Variants in GAA observed in about 807,000 individuals in gnomAD.
The protein encoded by GAA is alpha glucosidase, also known as lysosomal alpha-glucosidase.
GAA carries 88 observed loss-of-function variants against 103.9 expected under a neutral mutation model. The observed-to-expected ratio is 0.85, with a 90% CI of 0.71 to 1.01. GAA has a LOEUF of 1.01. Among genes scored for constraint, GAA ranks in the 50% least tolerant of loss-of-function variants. GAA has a pLI of 0.00. For synonymous variants in GAA, 572 were observed against 563.1 expected, an observed-to-expected ratio of 1.02 and a Z score of -0.22; for missense variants, 1,350 against 1,305.3, an observed-to-expected ratio of 1.03 and a Z score of -0.53.
chr17:80,118,956 C>T, intron 19 of GAA, 151 bp downstream of exon 19: 1 of 1,000,272 alleles, frequency 1.0e-6, no homozygotes, highest in South Asian at 1.4e-5. Flanking sequence ...AGGGTCAGGC[C>T]ACACAGGCTG....
At chr17:80,118,151 C>T (rs2039400339) in intron 17 of GAA, 42 bp from the exon 18 acceptor site, 1 of 1,607,976 alleles carries the variant, frequency 6.2e-7, no homozygotes, top group Non-Finnish European at 8.5e-7. Context: ...TCCACCTCCA[C>T]CAGGGTGGGG....
intron 9 of GAA, among the ~76,000 whole-genome samples, 166 bp from the exon 10 acceptor site, chr17:80,110,561 A>G (rs1249541520): frequency 1.3e-5 from 2 of 152,202 alleles, no homozygotes; most frequent in East Asian, 3.8e-4. Context: ...TGCCTTGTGG[A>G]GAAAGAGCTG....
chr17:80,113,156 G>A (rs1311538157), intron 14 of GAA, 62 bp from the exon 15 acceptor site: 2 of 1,542,342 alleles, frequency 1.3e-6, no homozygotes, highest in Non-Finnish European at 1.7e-6. Context: ...CCCGAGGCGG[G>A]GACTCCAGGG....
At chr17:80,102,814 G>A (rs535511168) in intron 1 of GAA, 1 of 152,374 alleles carries the variant, frequency 6.6e-6, no homozygotes, top group Non-Finnish European at 1.5e-5. Context: ...GAAAGTACAA[G>A]TGACAACCTG....
intron 16 of GAA, among the ~76,000 whole-genome samples, chr17:80,117,335 C>G (rs934893278): frequency 3.3e-5 from 5 of 152,232 alleles, no homozygotes; most frequent in African/African-American, 1.2e-4. Context: ...CTTGCAGAAC[C>G]TGGCCAAGTC....
chr17:80,105,300 G>A (rs1295515445), intron 2 of GAA, among the ~76,000 whole-genome samples, 168 bp downstream of exon 2: 1 of 152,212 alleles, frequency 6.6e-6, no homozygotes, highest in African/African-American at 2.4e-5. Context: ...GGAGCAGTGG[G>A]GACACCACGG....
Position 80,117,040 on chromosome 17 carries a change from A to T in GAA, c.2262A>T (p.Pro754=). 6.2e-7 allele frequency: 1 copy of T among 1,613,624 alleles called. No individual in the cohort carries two copies. Among genetic ancestry groups the T allele is most frequent in the South Asian group, 1.1e-5 (1 of 91,082 alleles). Residue 754 remains proline (P), a synonymous_variant, in exon 16 of 20, where the codon CCA becomes CCT. Transcript: ENST00000302262. The stretch of plus-strand genomic sequence containing the variant: ...GGGGGGAGGCCCTGCTCATCACCCC[A>T]GTGCTCCAGGCCGGGAAGGCCGAAG... The part of the protein sequence containing the change: ...LLWGEALLIT[P]VLQAGKAEVT...
intron 17 of GAA, among the ~76,000 whole-genome samples, 191 bp downstream of exon 17, chr17:80,117,940 G>T (rs1018091096): frequency 6.6e-6 from 1 of 152,224 alleles, no homozygotes; most frequent in African/African-American, 2.4e-5. Flanking sequence ...GTGGAGCATG[G>T]CCGGCAGGAG....
At chr17:80,118,059 T>C in intron 17 of GAA, 134 bp from the exon 18 acceptor site, 2 of 1,050,804 alleles carry the variant, frequency 1.9e-6, no homozygotes, top group Non-Finnish European at 2.7e-6. Context: ...TTCCAGCCCC[T>C]GCGGCCGCAG....
In GAA at chr17:80,112,934, C is replaced by T. The variant is rs770248553; in HGVS notation, c.1947C>T (p.Phe649=). The change falls in exon 14 of 20, where the codon TTC becomes TTT. Residue 649 remains phenylalanine, a synonymous_variant. Transcript: ENST00000302262. ...TGGTCGGGGCCGACGTCTGCGGCTT[C>T]CTGGGCAACACCTCAGAGGAGCTGT... ...VPLVGADVCG[F]LGNTSEELCV... The T allele has an allele frequency of 6.2e-7, 1 of 1,610,774 alleles. No homozygotes were observed. Among genetic ancestry groups the T allele is most frequent in the African/African-American group, 1.3e-5 (1 of 75,022 alleles).
chr17:80,110,622 C>T, intron 9 of GAA, 105 bp from the exon 10 acceptor site: 3 of 934,176 alleles, frequency 3.2e-6, no homozygotes, highest in Middle Eastern at 3.2e-4. Flanking sequence ...TGTGGGCGTC[C>T]ACTAAGAGTG....
At position 80,109,840 on chromosome 17, in the gene GAA, G is replaced by T. The variant is rs538143133; in HGVS notation, c.1327-105G>T. The T allele has an allele frequency of 7.9e-5, 64 of 806,488 alleles. No homozygotes were observed. The South Asian group carries it at 8.6e-4, about 11-fold the overall frequency. The allele number at this position is 806,488 out of a possible 1,614,324, so 50.0% of individuals were successfully genotyped here. Reference sequence around the variant, plus strand: ...ACACAGGCAGGCATGCTGTACACACGCATGATGTCATCCCCAGCCTCATCC... The same window carrying T: ...ACACAGGCAGGCATGCTGTACACACTCATGATGTCATCCCCAGCCTCATCC... On this transcript the variant is annotated intron_variant, in intron 8 of 19. Transcript: ENST00000302262.
At position 80,108,595 on chromosome 17, in the gene GAA, C is replaced by T. The variant is rs771894765; in HGVS notation, c.1182C>T (p.Ala394=). 3.1e-6 allele frequency: 5 copies of T among 1,612,786 alleles called. No individual in the cohort carries two copies. ...AGGTGGTGGAGAACATGACCAGGGC[C>T]CACTTCCCCCTGGTGAGTTGGGGTG... The part of the protein sequence containing the change: ...TRQVVENMTR[A]HFPLDVQWND... Residue 394 remains alanine (A), a synonymous_variant, in exon 7 of 20, where the codon GCC becomes GCT. Transcript: ENST00000302262.
chr17:80,118,221 G>T lies in GAA; in HGVS notation c.2510G>T (p.Arg837Leu). ...CCTGGCCTCACAACCACAGAGTCCC[G>T]CCAGCAGCCCATGGCCCTGGCTGTG... ...QGPGLTTTES[R>L]QQPMALAVAL... is the part of the protein sequence containing the mutation. The change falls in exon 18 of 20, where the codon CGC (arginine) becomes CTC (leucine). Residue 837 changes from arginine (R) to leucine (L), a missense_variant. Transcript: ENST00000302262. The T allele has an allele frequency of 6.2e-7, 1 of 1,613,018 alleles. No individual in the cohort carries two copies. The highest frequency in any genetic ancestry group is 8.5e-7 in the Non-Finnish European group (1 of 1,179,774).
At chr17:80,105,236 G>A in intron 2 of GAA, 104 bp downstream of exon 2, 1 of 1,190,258 alleles carries the variant, frequency 8.4e-7, no homozygotes, top group Non-Finnish European at 1.2e-6. Flanking sequence ...ACCACTGTGT[G>A]CTGGGCCCTT....
At chr17:80,114,089 G>GA (rs75151558) in intron 15 of GAA, among the ~76,000 whole-genome samples, 1,023 of 70,416 alleles carry the variant, frequency 0.015, 17 homozygotes, top group African/African-American at 0.039. Context: ...TTCATTTAGA[G>GA]AAAAAAAAAA....
intron 17 of GAA, among the ~76,000 whole-genome samples, chr17:80,117,958 G>C (rs979807989): frequency 1.3e-5 from 2 of 152,242 alleles, no homozygotes; most frequent in African/African-American, 4.8e-5. Flanking sequence ...GAGCTCAGTG[G>C]TCTGCATGGT....
At chr17:80,108,459 C>T in intron 6 of GAA, 30 bp from the exon 7 acceptor site, 1 of 1,613,244 alleles carries the variant, frequency 6.2e-7, no homozygotes, top group Non-Finnish European at 8.5e-7. Context: ...TCCCTCCTCC[C>T]TCCCTCATGA....
At chr17:80,115,317 G>A (rs989807326) in intron 15 of GAA, among the ~76,000 whole-genome samples, 1 of 152,018 alleles carries the variant, frequency 6.6e-6, no homozygotes, top group Non-Finnish European at 1.5e-5. Flanking sequence ...TGTCTTCAAG[G>A]TCACTGATTC....
Sources: allele counts gnomAD v4.1 joint callset (sites outside exome capture counted in the v4.1 genomes callset), GRCh38; gene constraint gnomAD v4.1.1; transcripts MANE v1.5; gene names NCBI Gene and HGNC (gene_info 2026-07-23, HGNC 2026-07-21).